PDE4D: variants seen among roughly 807,000 people sequenced by gnomAD.
PDE4D encodes the protein phosphodiesterase 4D, also known as 3',5'-cyclic-AMP phosphodiesterase 4D.
A neutral mutation model predicts 87.4 loss-of-function variants in PDE4D; 24 were observed. That is an observed-to-expected ratio of 0.27 (90% CI 0.20 to 0.39). The LOEUF is 0.39. Ranked by LOEUF, PDE4D falls within the 10% of genes least tolerant of loss-of-function variation. PDE4D has a pLI of 1.00. For missense variants in PDE4D, 714 were observed against 1,041.0 expected, an observed-to-expected ratio of 0.69 and a Z score of 4.32; for synonymous variants, 384 against 383.2, an observed-to-expected ratio of 1.00 and a Z score of -0.02.
intron 1 of PDE4D, among the ~76,000 whole-genome samples, chr5:59,801,995 A>T (rs1767182900): frequency 1.3e-5 from 2 of 152,240 alleles, no homozygotes; most frequent in Non-Finnish European, 2.9e-5. Flanking sequence ...GAAGGAAAAC[A>T]TCTACAGGAG....
chr5:59,051,144 A>G (rs370351116), intron 5 of PDE4D, among the ~76,000 whole-genome samples: 26 of 152,212 alleles, frequency 1.7e-4, no homozygotes, highest in Non-Finnish European at 3.5e-4. Context: ...GGCTGATGCG[A>G]GCAGATCACT....
At chr5:60,012,624 AC>A (rs1308043372) in intron 2 of PDE4D, among the ~76,000 whole-genome samples, 1 of 152,220 alleles carries the variant, frequency 6.6e-6, no homozygotes, top group African/African-American at 2.4e-5. Context: ...TACAGATGGA[AC>A]AAAAGATGGC....
At position 59,395,951 on chromosome 5, in the gene PDE4D, C is replaced by G. The variant is rs1212659892; in HGVS notation, c.456-179983G>C. On this transcript the variant is annotated intron_variant, in intron 1 of 14. Coordinates refer to ENST00000340635, the MANE Select transcript of PDE4D (RefSeq NM_001104631.2). ...CTGAAGAATGCAGAAGCCTCAGGAGCTGATGCGATCAACTGGAAGAAAGGG... is the reference window on the plus strand; with the variant it reads ...CTGAAGAATGCAGAAGCCTCAGGAGGTGATGCGATCAACTGGAAGAAAGGG... Among the ~76,000 whole-genome samples the G allele has an allele frequency of 1.7e-5, 2 of 119,626 alleles. 1 individual carries two copies. Among genetic ancestry groups the G allele is most frequent in the African/African-American group, 6.7e-5 (2 of 29,772 alleles). 78.5% of individuals were successfully genotyped at this position (119,626 alleles called of 152,430 possible).
intron 6 of PDE4D, among the ~76,000 whole-genome samples, chr5:59,001,034 G>A (rs1750433920): frequency 6.6e-6 from 1 of 152,122 alleles, no homozygotes; most frequent in Non-Finnish European, 1.5e-5. Flanking sequence ...AGAAAGGAAT[G>A]AGTGGCTCTT....
chr5:60,345,113 A>G (rs1252497853), intron 1 of PDE4D, among the ~76,000 whole-genome samples: 1 of 152,096 alleles, frequency 6.6e-6, no homozygotes, highest in Non-Finnish European at 1.5e-5. Flanking sequence ...TTAACATTAT[A>G]TTATAAAAAA....
chr5:59,484,020 A>AG (rs1804692007), intron 1 of PDE4D, among the ~76,000 whole-genome samples: 1 of 152,188 alleles, frequency 6.6e-6, no homozygotes, highest in South Asian at 2.1e-4. Context: ...AACACAATTT[A>AG]TTGTGACTTG....
At chr5:59,614,182 G>T (rs910759551) in intron 1 of PDE4D, among the ~76,000 whole-genome samples, 1 of 152,068 alleles carries the variant, frequency 6.6e-6, no homozygotes, top group African/African-American at 2.4e-5. Flanking sequence ...ACCTGACTGG[G>T]GAGCACACAT....
At chr5:60,116,735 C>T (rs1778205965) in intron 2 of PDE4D, among the ~76,000 whole-genome samples, 2 of 151,984 alleles carry the variant, frequency 1.3e-5, no homozygotes, top group African/African-American at 2.4e-5. Flanking sequence ...TAAATTCTTA[C>T]ATTTGGGAAA....
At chr5:59,817,218 G>A (rs2152684722) in intron 1 of PDE4D, among the ~76,000 whole-genome samples, 1 of 152,320 alleles carries the variant, frequency 6.6e-6, no homozygotes, top group Non-Finnish European at 1.5e-5. Flanking sequence ...GATTAGATGA[G>A]ATGGTTCTCC....
chr5:59,893,523 T>C lies in PDE4D; in HGVS notation c.100A>G (p.Arg34Gly). Residue 34 changes from arginine (R) to glycine (G), a missense_variant, in exon 1 of 15, where the codon AGG becomes GGG. Physicochemically the swap from Arg to Gly is moderately radical, Grantham distance 125. Around this residue, in one of 7 missense-constraint regions of PDE4D, gnomAD observed 268 missense variants for 272.9 expected, o/e 0.98. Transcript: ENST00000340635. ...GGGTACTGGTGGTGCTGCTCGTGCC[T>C]CCAGAGATGCTTGGGGGCTTTGAGC... ...ATLKAPKHLWRHEQHHQYPLR... is the reference protein window; with the variant it reads ...ATLKAPKHLWGHEQHHQYPLR... 6.5e-7 allele frequency: 1 copy of C among 1,541,016 alleles called. No individual in the cohort carries two copies. The highest frequency in any genetic ancestry group is 8.8e-7 in the Non-Finnish European group (1 of 1,142,802).
chr5:59,202,647 G>C (rs1747761533), intron 2 of PDE4D, among the ~76,000 whole-genome samples: 1 of 152,012 alleles, frequency 6.6e-6, no homozygotes, highest in Admixed American at 6.6e-5. Flanking sequence ...TAGGGGGTCT[G>C]GTCTTTCCTG....
At chr5:59,730,471 T>A (rs980234870) in intron 1 of PDE4D, among the ~76,000 whole-genome samples, 1 of 152,194 alleles carries the variant, frequency 6.6e-6, no homozygotes, top group Non-Finnish European at 1.5e-5. Context: ...AAACTTTTAC[T>A]TTCAGACTCA....
intron 2 of PDE4D, among the ~76,000 whole-genome samples, chr5:60,120,952 T>C (rs868650518): frequency 6.6e-6 from 1 of 152,082 alleles, no homozygotes; most frequent in African/African-American, 2.4e-5. Context: ...GTGGGCACTA[T>C]CTAATCAGCT....
intron 1 of PDE4D, among the ~76,000 whole-genome samples, chr5:60,222,158 C>T (rs921456670): frequency 3.9e-5 from 6 of 152,088 alleles, no homozygotes; most frequent in African/African-American, 1.4e-4. Flanking sequence ...ACCTTGCTCT[C>T]TATTGAATCA....
chr5:60,503,574 G>A (rs978393079), intron 1 of PDE4D, among the ~76,000 whole-genome samples: 6 of 152,076 alleles, frequency 3.9e-5, no homozygotes, highest in African/African-American at 1.4e-4. Context: ...GAGGAATCAA[G>A]AATCTATGGA....
At chr5:59,139,651 TTTA>T (rs1269719207) in intron 5 of PDE4D, among the ~76,000 whole-genome samples, 4,594 of 151,350 alleles carry the variant, frequency 0.03, 226 homozygotes, top group African/African-American at 0.11. Flanking sequence ...TTTTTTTATT[TTTA>T]TTTTTGGTAG....
intron 1 of PDE4D, among the ~76,000 whole-genome samples, chr5:59,343,441 T>C (rs929095503): frequency 6.6e-6 from 1 of 152,172 alleles, no homozygotes; most frequent in Non-Finnish European, 1.5e-5. Flanking sequence ...TTATACTTAC[T>C]AGCTTTCAGC....
intron 2 of PDE4D, among the ~76,000 whole-genome samples, chr5:60,082,060 G>T (rs1774021008): frequency 6.6e-6 from 1 of 151,940 alleles, no homozygotes; most frequent in Admixed American, 6.6e-5. Context: ...TACACAAAGT[G>T]GTTTACTTCC....
intron 1 of PDE4D, among the ~76,000 whole-genome samples, chr5:59,348,471 A>G (rs1779963691): frequency 6.6e-6 from 1 of 152,090 alleles, no homozygotes; most frequent in Admixed American, 6.6e-5. Context: ...GGTTGTGAAC[A>G]TTTACCACCT....
Sources: allele counts gnomAD v4.1 joint callset (sites outside exome capture counted in the v4.1 genomes callset), GRCh38; gene constraint gnomAD v4.1.1; regional missense constraint gnomAD v4.1.1; transcripts MANE v1.5; gene names NCBI Gene and HGNC (gene_info 2026-07-23, HGNC 2026-07-21).